PDK1: variants seen among roughly 807,000 people sequenced by gnomAD.
PDK1 encodes the protein pyruvate dehydrogenase kinase 1.
Under a neutral mutation model 54.2 loss-of-function variants are expected in PDK1, and 39 were observed. That is an observed-to-expected ratio of 0.72 (90% CI 0.56 to 0.94). The LOEUF (loss-of-function observed/expected upper bound fraction) is 0.94. PDK1 is among the 40% of genes least tolerant of loss of function. The pLI, the probability that PDK1 is intolerant of heterozygous loss-of-function variation, is 0.00. For missense variants in PDK1, 552 were observed against 566.0 expected, an observed-to-expected ratio of 0.98 and a Z score of 0.25; for synonymous variants, 221 against 207.1, an observed-to-expected ratio of 1.07 and a Z score of -0.58.
the PDK1 span, among the ~76,000 whole-genome samples, chr2:172,634,035 C>T: frequency 6.6e-6 from 1 of 150,634 alleles, no homozygotes; most frequent in African/African-American, 2.4e-5. Context: ...TCCACCAGGC[C>T]TGGCTAATTT....
the PDK1 span, among the ~76,000 whole-genome samples, chr2:172,722,303 G>A: frequency 6.6e-6 from 1 of 152,240 alleles, no homozygotes. Context: ...TAGAGATATT[G>A]AGGTCAATTG....
chr2:172,626,490 T>A, the PDK1 span, among the ~76,000 whole-genome samples: 2 of 152,204 alleles, frequency 1.3e-5, no homozygotes, highest in Non-Finnish European at 2.9e-5. Flanking sequence ...ATTTTAAAGA[T>A]ATAGTTTTGA....
the PDK1 span, among the ~76,000 whole-genome samples, chr2:172,614,928 T>G: frequency 6.6e-6 from 1 of 152,266 alleles, no homozygotes; most frequent in African/African-American, 2.4e-5. Flanking sequence ...TAATTCTTCA[T>G]AAATTTGATG....
the PDK1 span, among the ~76,000 whole-genome samples, chr2:172,656,278 A>T: frequency 6.6e-6 from 1 of 152,214 alleles, no homozygotes; most frequent in African/African-American, 2.4e-5. Context: ...GCTACTATAC[A>T]TTCAACATTG....
intron 8 of PDK1, 40 bp downstream of exon 8, chr2:172,570,864 T>G (rs1689212549): frequency 1.8e-6 from 2 of 1,104,208 alleles, no homozygotes; most frequent in Non-Finnish European, 2.7e-6. Context: ...TTTTTTTTTT[T>G]GTAATTGATG....
At chr2:172,705,817 T>C in the PDK1 span, among the ~76,000 whole-genome samples, 1 of 152,254 alleles carries the variant, frequency 6.6e-6, no homozygotes, top group Admixed American at 6.5e-5. Flanking sequence ...AAGTTAAATA[T>C]ACTTATTCTG....
At position 172,605,968 on chromosome 2, in the gene PDK1, T is replaced by G. The variant is rs1331867857; in HGVS notation, c.*9999T>G. The stretch of plus-strand genomic sequence containing the variant: ...AGTCCAATCACTATTCTTCCCAAAC[T>G]CCATGAGCCAGATTTTATACATACT... On this transcript the variant is annotated 3_prime_UTR_variant, in exon 11 of 11. Transcript: ENST00000282077. 6.6e-6 allele frequency: 1 copy of G among 151,654 alleles called. No homozygotes were observed. Among genetic ancestry groups the G allele is most frequent in the Non-Finnish European group, 1.5e-5 (1 of 67,990 alleles). The allele number at this position is 151,654 out of a possible 1,614,324, so 9.4% of individuals were successfully genotyped here. A position where few individuals can be genotyped will look rare whatever the true frequency, so the allele number is the denominator to read the frequency against.
the PDK1 span, among the ~76,000 whole-genome samples, chr2:172,686,453 T>G: frequency 6.6e-6 from 1 of 152,202 alleles, no homozygotes; most frequent in Non-Finnish European, 1.5e-5. Context: ...TGGAGGTTTG[T>G]AAAATGGACC....
chr2:172,702,744 T>TA, the PDK1 span, among the ~76,000 whole-genome samples: 2 of 152,228 alleles, frequency 1.3e-5, no homozygotes, highest in South Asian at 4.2e-4. Flanking sequence ...AACAGATTTT[T>TA]AAAAAAATTG....
chr2:172,565,897 T>G (rs970991838), intron 5 of PDK1, among the ~76,000 whole-genome samples: 1 of 152,244 alleles, frequency 6.6e-6, no homozygotes, highest in Non-Finnish European at 1.5e-5. Flanking sequence ...TTAATTCTCC[T>G]GTTCATGCAC....
chr2:172,656,285 A>G, the PDK1 span, among the ~76,000 whole-genome samples: 2 of 152,134 alleles, frequency 1.3e-5, no homozygotes, highest in African/African-American at 2.4e-5. Context: ...TACATTCAAC[A>G]TTGTTTTTAG....
rs570445934 is a variant in PDK1, at chr2:172,559,550, T to C, written c.338+701T>C. Among the ~76,000 whole-genome samples, 4 of 152,226 alleles carry C rather than the reference T, an allele frequency of 2.6e-5. No homozygotes were observed. The East Asian group carries it at 5.8e-4, about 22-fold the overall frequency. On this transcript the variant is annotated intron_variant, in intron 2 of 10. Transcript: ENST00000282077. Reference sequence around the variant, plus strand: ...ATTTTATTCATTGTTATTATTTTTATTTACTTTTTGTTTTTGAAATGGAAT... The same window carrying C: ...ATTTTATTCATTGTTATTATTTTTACTTACTTTTTGTTTTTGAAATGGAAT...
the PDK1 span, among the ~76,000 whole-genome samples, chr2:172,644,277 G>A: frequency 1.2e-4 from 18 of 152,290 alleles, no homozygotes; most frequent in South Asian, 2.1e-4. Flanking sequence ...AAATCAGCCC[G>A]CACCTCTGTC....
At chr2:172,692,064 CT>C in the PDK1 span, among the ~76,000 whole-genome samples, 1 of 152,206 alleles carries the variant, frequency 6.6e-6, no homozygotes, top group African/African-American at 2.4e-5. Context: ...ATCAGTGACA[CT>C]TCATAATCAG....
intron 8 of PDK1, among the ~76,000 whole-genome samples, chr2:172,571,256 C>T (rs1000522713): frequency 6.6e-6 from 1 of 152,174 alleles, no homozygotes; most frequent in African/African-American, 2.4e-5. Flanking sequence ...GAGACTAAGA[C>T]ACAGTGATTA....
At chr2:172,565,096 G>A in intron 5 of PDK1, 23 bp downstream of exon 5, 1 of 1,342,378 alleles carries the variant, frequency 7.4e-7, no homozygotes, top group Non-Finnish European at 1.1e-6. Context: ...ATTTCTCCTT[G>A]CAAAAAAAGA....
the PDK1 span, among the ~76,000 whole-genome samples, chr2:172,672,413 G>A: frequency 5.3e-5 from 8 of 152,046 alleles, no homozygotes; most frequent in Admixed American, 3.9e-4. Flanking sequence ...TCTCTTCACA[G>A]TCTAAATGTT....
In PDK1 at chr2:172,601,057, T is replaced by A. The variant is rs1691099311; in HGVS notation, c.*5088T>A. 1 of 152,206 alleles carries A rather than the reference T, an allele frequency of 6.6e-6. No homozygotes were observed. Among genetic ancestry groups the A allele is most frequent in the South Asian group, 2.1e-4 (1 of 4,832 alleles). 9.4% of individuals were successfully genotyped at this position (152,206 alleles called of 1,614,324 possible). On this transcript the variant is annotated 3_prime_UTR_variant, in exon 11 of 11. Transcript: ENST00000282077. ...GCTGCTGTTTGTTAAAAGAAAAGTT[T>A]TCTGCCGGGGACTCGCTTTACCCTG...
the PDK1 span, among the ~76,000 whole-genome samples, chr2:172,686,999 A>T: frequency 5.3e-5 from 8 of 152,350 alleles, 1 homozygote; most frequent in South Asian, 1.7e-3. Context: ...ACTGTTTTAT[A>T]TAACAATTTT....
Sources: gnomAD v4.1 joint callset for allele counts (sites outside exome capture counted in the v4.1 genomes callset) on GRCh38, gnomAD v4.1.1 for gene constraint, MANE v1.5 for transcripts, NCBI Gene and HGNC (gene_info 2026-07-23, HGNC 2026-07-21) for gene names.